Variants in ABI3BP observed in about 807,000 individuals in gnomAD.
ABI3BP encodes the protein ABI family member 3 binding protein.
Under a neutral mutation model 268.6 loss-of-function variants are expected in ABI3BP, and 216 were observed. That is an observed-to-expected ratio of 0.80 (90% CI 0.72 to 0.90). The LOEUF (loss-of-function observed/expected upper bound fraction) is 0.90, where lower values mean the gene tolerates loss of function less well. Among genes scored for constraint, ABI3BP ranks in the 40% least tolerant of loss-of-function variants. ABI3BP has a pLI of 0.00. For missense variants in ABI3BP, 2,090 were observed against 2,182.4 expected (o/e 0.96, Z 0.84); for synonymous variants, 730 against 730.0 (o/e 1.00, Z 0.00).
intron 59 of ABI3BP, among the ~76,000 whole-genome samples, chr3:100,775,660 C>A (rs996483346): frequency 6.6e-6 from 1 of 151,808 alleles, no homozygotes; most frequent in Non-Finnish European, 1.5e-5. Flanking sequence ...AGAGGATGTG[C>A]CAATAGAGGA....
chr3:100,803,252 G>T (rs2097584558), intron 51 of ABI3BP, among the ~76,000 whole-genome samples: 1 of 145,342 alleles, frequency 6.9e-6, no homozygotes, highest in African/African-American at 2.4e-5. Context: ...TATTTGTGTT[G>T]TTACAGGGAT....
chr3:100,894,456 A>G (rs1230967229), intron 4 of ABI3BP, among the ~76,000 whole-genome samples: 1 of 152,138 alleles, frequency 6.6e-6, no homozygotes, highest in African/African-American at 2.4e-5. Context: ...AACGGTGGGC[A>G]AGATACTCCC....
At chr3:100,841,946 T>A in intron 21 of ABI3BP, 52 bp downstream of exon 21, 1 of 1,302,778 alleles carries the variant, frequency 7.7e-7, no homozygotes, top group Non-Finnish European at 1.1e-6. Flanking sequence ...AAGTTGAACA[T>A]GGAGAGTGTT....
chr3:100,805,714 T>C (rs2097687534), intron 50 of ABI3BP, among the ~76,000 whole-genome samples: 1 of 151,940 alleles, frequency 6.6e-6, no homozygotes. Context: ...TATCAACAGG[T>C]CTAAACACTT....
At chr3:100,787,636 G>A in intron 57 of ABI3BP, 92 bp downstream of exon 57, 2 of 1,100,518 alleles carry the variant, frequency 1.8e-6, no homozygotes, top group East Asian at 2.8e-5. Context: ...TGGTAAAAAG[G>A]AAATTAAAAT....
chr3:100,966,120 C>T (rs1463092901), intron 1 of ABI3BP, among the ~76,000 whole-genome samples: 1 of 152,210 alleles, frequency 6.6e-6, no homozygotes, highest in African/African-American at 2.4e-5. Context: ...GTTCTCTAAC[C>T]TGAAGTGGTC....
chr3:100,900,002 T>C (rs528291389), intron 3 of ABI3BP, among the ~76,000 whole-genome samples: 1 of 152,318 alleles, frequency 6.6e-6, no homozygotes, highest in South Asian at 2.1e-4. Context: ...TTTTGTTAAA[T>C]TTAAGTTCTG....
At chr3:100,961,821 T>C (rs2079213330) in intron 1 of ABI3BP, among the ~76,000 whole-genome samples, 1 of 152,224 alleles carries the variant, frequency 6.6e-6, no homozygotes, top group African/African-American at 2.4e-5. Context: ...CCTTCATGGA[T>C]GTTTTTTACT....
At chr3:100,919,170 A>G (rs1256051100) in intron 2 of ABI3BP, among the ~76,000 whole-genome samples, 1 of 151,704 alleles carries the variant, frequency 6.6e-6, no homozygotes, top group Admixed American at 6.6e-5. Context: ...TCTTTTTTTC[A>G]TAAGTTATTT....
intron 63 of ABI3BP, among the ~76,000 whole-genome samples, chr3:100,755,872 T>C (rs960452584): frequency 4.6e-5 from 7 of 152,194 alleles, no homozygotes; most frequent in Non-Finnish European, 5.9e-5. Context: ...TTGAGAAGTT[T>C]ATAATTAAAT....
intron 1 of ABI3BP, among the ~76,000 whole-genome samples, chr3:100,943,812 T>A (rs1419237348): frequency 6.6e-6 from 1 of 152,138 alleles, no homozygotes; most frequent in African/African-American, 2.4e-5. Flanking sequence ...GTCTTCATAA[T>A]CAGCCTCTTT....
intron 57 of ABI3BP, among the ~76,000 whole-genome samples, chr3:100,785,076 A>G (rs1044782340): frequency 3.9e-5 from 6 of 152,210 alleles, no homozygotes; most frequent in African/African-American, 9.6e-5. Flanking sequence ...AAAAAATAAA[A>G]TTAAAAAGAA....
intron 58 of ABI3BP, chr3:100,778,578 A>C (rs2096777669): frequency 5.1e-6 from 3 of 590,674 alleles, no homozygotes; most frequent in African/African-American, 3.7e-5. Context: ...CAGGGACAAC[A>C]ACGCACTGTA....
chr3:100,829,356 T>C (rs1048682701), intron 33 of ABI3BP, among the ~76,000 whole-genome samples: 4 of 152,182 alleles, frequency 2.6e-5, no homozygotes, highest in African/African-American at 9.7e-5. Context: ...CACTTTATCA[T>C]ATATTCAACA....
chr3:100,794,358 T>C (rs1227962395), intron 54 of ABI3BP, among the ~76,000 whole-genome samples: 1 of 151,934 alleles, frequency 6.6e-6, no homozygotes, highest in Non-Finnish European at 1.5e-5. Flanking sequence ...GAACAAGTAA[T>C]AGAACTTACT....
At chr3:100,812,924 C>A (rs1363179768) in intron 45 of ABI3BP, among the ~76,000 whole-genome samples, 2 of 152,058 alleles carry the variant, frequency 1.3e-5, no homozygotes, top group Middle Eastern at 3.2e-3. Context: ...CTTTGTCAAC[C>A]AGATGGAGTA....
chr3:100,764,513 ATAAGTGCAC>A (rs1559889082), intron 63 of ABI3BP, among the ~76,000 whole-genome samples: 1 of 152,260 alleles, frequency 6.6e-6, no homozygotes. Context: ...TCATGAGCTA[ATAAGTGCAC>A]TGTGAGAAGA....
intron 57 of ABI3BP, among the ~76,000 whole-genome samples, chr3:100,784,330 C>T (rs1265779321): frequency 6.6e-6 from 1 of 152,038 alleles, no homozygotes; most frequent in Admixed American, 6.6e-5. Context: ...CAATGAGATA[C>T]CACCTTTCTC....
At position 100,770,823 on chromosome 3, in the gene ABI3BP, TTGGTGGGTGGGTTC is replaced by T; in HGVS notation, c.4647_4660del (p.Asn1550ProfsTer23). ...CCCTTCCACGGTGACCACAGTGAGG[TTGGTGGGTGGGTTC>T]TGTGGTGGGCTGGTGGCATTCCCCT... On this transcript the variant is annotated frameshift_variant, in exon 62 of 68. Transcript: ENST00000471714. LOFTEE classifies it high-confidence loss of function. 1 of 1,597,876 alleles carries T rather than the reference TTGGTGGGTGGGTTC, an allele frequency of 6.3e-7. No individual in the cohort carries two copies. Among genetic ancestry groups the T allele is most frequent in the East Asian group, 2.3e-5 (1 of 44,086 alleles).
Sources: allele counts gnomAD v4.1 joint callset (sites outside exome capture counted in the v4.1 genomes callset), GRCh38; gene constraint gnomAD v4.1.1; transcripts MANE v1.5; gene names NCBI Gene and HGNC (gene_info 2026-07-23, HGNC 2026-07-21).